Variants in TFCP2 observed in about 807,000 individuals in gnomAD.
TFCP2 encodes the protein alpha-globin transcription factor CP2.
In TFCP2, 33 loss-of-function variants were observed where a neutral mutation model predicts 73.4. That is an observed-to-expected ratio of 0.45 (90% CI 0.34 to 0.60). TFCP2 has a LOEUF of 0.60. Among genes scored for constraint, TFCP2 ranks in the 20% least tolerant of loss-of-function variants. The pLI, the probability that TFCP2 is intolerant of heterozygous loss-of-function variation, is 0.01. For missense variants in TFCP2, 352 were observed against 604.0 expected (o/e 0.58, Z 4.37); for synonymous variants, 193 against 211.6 (o/e 0.91, Z 0.76).
chr12:51,112,593 G>A (rs551552132), intron 4 of TFCP2, among the ~76,000 whole-genome samples: 5 of 152,144 alleles, frequency 3.3e-5, no homozygotes, highest in African/African-American at 4.8e-5. Flanking sequence ...CAGGCCAAGC[G>A]TGGTGGCTCA....
At chr12:51,102,464 G>A (rs945090900) in intron 10 of TFCP2, among the ~76,000 whole-genome samples, 3 of 152,080 alleles carry the variant, frequency 2.0e-5, no homozygotes, top group East Asian at 1.9e-4. Flanking sequence ...AGTGACTCAC[G>A]CCTGTAATCC....
intron 4 of TFCP2, 147 bp from the exon 5 acceptor site, chr12:51,111,130 G>C (rs1038066981): frequency 1.6e-6 from 1 of 612,726 alleles, no homozygotes; most frequent in African/African-American, 1.9e-5. Flanking sequence ...TTTTGTCGTT[G>C]TTGTTGTTTT....
intron 14 of TFCP2, 150 bp from the exon 15 acceptor site, chr12:51,095,428 G>A: frequency 1.3e-6 from 1 of 768,876 alleles, no homozygotes; most frequent in East Asian, 2.5e-5. Context: ...ACTCCAGCTT[G>A]GGCAACAAGA....
intron 1 of TFCP2, among the ~76,000 whole-genome samples, chr12:51,150,428 GAAA>G (rs1382584623): frequency 6.6e-6 from 1 of 151,332 alleles, no homozygotes; most frequent in Non-Finnish European, 1.5e-5. Flanking sequence ...GAAAAAAAAA[GAAA>G]AAAAATTTTT....
At chr12:51,156,901 G>A (rs1170560187) in intron 1 of TFCP2, 1 of 151,868 alleles carries the variant, frequency 6.6e-6, no homozygotes, top group Non-Finnish European at 1.5e-5. Flanking sequence ...TAAGGATAGG[G>A]GAAAGAGTAG....
chr12:51,137,448 A>AATCAGC (rs1941086299), intron 1 of TFCP2, among the ~76,000 whole-genome samples: 1 of 152,220 alleles, frequency 6.6e-6, no homozygotes, highest in Admixed American at 6.5e-5. Context: ...GTAAGATATT[A>AATCAGC]AAAGTTTAAT....
chr12:51,103,740 A>G lies in TFCP2; in HGVS notation c.990T>C (p.Pro330=). The G allele has an allele frequency of 1.2e-6, 2 of 1,613,964 alleles. No individual in the cohort carries two copies. The highest frequency in any genetic ancestry group is 1.7e-6 in the Non-Finnish European group (2 of 1,179,960). The change falls in exon 10 of 15, where the codon CCT becomes CCC. Residue 330 remains proline (P), a synonymous_variant. Coordinates refer to ENST00000257915, the MANE Select transcript of TFCP2 (RefSeq NM_005653.5). ...VTDNLLPTTT[P]QEAQQWLHRN... is the part of the protein sequence containing the mutation. ...GATGCAACCACTGCTGAGCTTCCTG[A>G]GGTGTGGTTGTTGGTAAGAGGTTCT...
chr12:51,110,822 AC>A, intron 5 of TFCP2, 54 bp downstream of exon 5: 1 of 1,224,620 alleles, frequency 8.2e-7, no homozygotes, highest in Non-Finnish European at 1.2e-6. Context: ...TAAGAAATAA[AC>A]TGATAGTAAG....
chr12:51,133,270 A>G (rs752657960), intron 1 of TFCP2, among the ~76,000 whole-genome samples: 1 of 151,874 alleles, frequency 6.6e-6, no homozygotes, highest in Non-Finnish European at 1.5e-5. Flanking sequence ...ATGCTATAAA[A>G]CCTTTTACTA....
rs1382674115 is a variant in TFCP2 at position 51,117,706 on chromosome 12, C to T, written c.316G>A (p.Gly106Arg). 1 of 1,613,180 alleles carries T rather than the reference C, an allele frequency of 6.2e-7. No homozygotes were observed. The highest frequency in any genetic ancestry group is 1.3e-5 in the African/African-American group (1 of 74,990). Reference sequence around the variant, plus strand: ...TTGCCATTAATTTCTGGAAGTTCTCCAAGTTTCCTATTGTCTAGCATTCGA... The same window carrying T: ...TTGCCATTAATTTCTGGAAGTTCTCTAAGTTTCCTATTGTCTAGCATTCGA... The part of the protein sequence containing the change: ...EIRMLDNRKL[G>R]ELPEINGKLV... Residue 106 changes from glycine to arginine, a missense_variant, in exon 3 of 15, where the codon GGA (glycine) becomes AGA (arginine). Coordinates refer to ENST00000257915, the MANE Select transcript of TFCP2 (RefSeq NM_005653.5).
At chr12:51,148,873 A>G (rs1941357570) in intron 1 of TFCP2, among the ~76,000 whole-genome samples, 1 of 150,696 alleles carries the variant, frequency 6.6e-6, no homozygotes, top group Admixed American at 6.6e-5. Context: ...AAAAATACAA[A>G]AATTAGCCTG....
At chr12:51,146,237 G>C (rs138384985) in intron 1 of TFCP2, among the ~76,000 whole-genome samples, 1 of 151,878 alleles carries the variant, frequency 6.6e-6, no homozygotes, top group Non-Finnish European at 1.5e-5. Flanking sequence ...GAGCCCAGTA[G>C]TTTGAGGCTG....
chr12:51,154,663 C>T (rs990901754), intron 1 of TFCP2, among the ~76,000 whole-genome samples: 3 of 152,182 alleles, frequency 2.0e-5, no homozygotes, highest in African/African-American at 7.2e-5. Context: ...CACTGCACTC[C>T]AGCCTAGGTG....
At chr12:51,155,858 A>G (rs1941524307) in intron 1 of TFCP2, among the ~76,000 whole-genome samples, 1 of 152,192 alleles carries the variant, frequency 6.6e-6, no homozygotes, top group African/African-American at 2.4e-5. Flanking sequence ...CCTGGCCAAC[A>G]TGGCAAAGCC....
chr12:51,126,158 G>A (rs1185124709), intron 1 of TFCP2, among the ~76,000 whole-genome samples: 5 of 151,256 alleles, frequency 3.3e-5, no homozygotes, highest in African/African-American at 7.3e-5. Context: ...GCGTGAACCC[G>A]GGAGGCGGAG....
intron 4 of TFCP2, among the ~76,000 whole-genome samples, chr12:51,113,871 C>G (rs1344973510): frequency 1.3e-5 from 2 of 152,052 alleles, no homozygotes. Context: ...TGAAGTTGGG[C>G]CCTTCTTTCT....
chr12:51,156,345 G>T (rs574660999), intron 1 of TFCP2, among the ~76,000 whole-genome samples: 9 of 151,656 alleles, frequency 5.9e-5, no homozygotes, highest in East Asian at 5.9e-4. Flanking sequence ...AGGAAGCAAG[G>T]GGGGGGGAGG....
intron 13 of TFCP2, 113 bp from the exon 14 acceptor site, chr12:51,096,153 G>T: frequency 2.7e-6 from 2 of 745,604 alleles, no homozygotes; most frequent in Non-Finnish European, 4.3e-6. Context: ...AGGCTTTACA[G>T]GTCACAAATA....
At chr12:51,117,899 A>T in intron 2 of TFCP2, 152 bp from the exon 3 acceptor site, 2 of 579,748 alleles carry the variant, frequency 3.4e-6, no homozygotes, top group Non-Finnish European at 6.0e-6. Flanking sequence ...GATGCTCAGC[A>T]CTGTGCTAAG....
Sources: allele counts gnomAD v4.1 joint callset (sites outside exome capture counted in the v4.1 genomes callset), GRCh38; gene constraint gnomAD v4.1.1; transcripts MANE v1.5; gene names NCBI Gene and HGNC (gene_info 2026-07-23, HGNC 2026-07-21).